Variants in SORCS2 observed in about 807,000 individuals in gnomAD.
SORCS2 encodes sortilin related VPS10 domain containing receptor 2, also known as VPS10 domain-containing receptor SorCS2.
Under a neutral mutation model 141.6 loss-of-function variants are expected in SORCS2, and 100 were observed. The observed-to-expected ratio is 0.71, with a 90% CI of 0.60 to 0.83. The LOEUF (loss-of-function observed/expected upper bound fraction) is 0.83. Ranked by LOEUF, SORCS2 falls within the 40% of genes least tolerant of loss-of-function variation. The probability of loss-of-function intolerance (pLI) is 0.00; values close to 1 mark genes in which losing one functional copy is unlikely to be tolerated. For synonymous variants in SORCS2, 789 were observed against 676.9 expected (o/e 1.17, Z -2.57); for missense variants, 1,646 against 1,560.2 (o/e 1.05, Z -0.93).
intron 2 of SORCS2, among the ~76,000 whole-genome samples, chr4:7,440,800 C>T (rs1052136261): frequency 2.0e-5 from 3 of 152,172 alleles, no homozygotes; most frequent in Non-Finnish European, 4.4e-5. Context: ...CATGGGGCCT[C>T]GAGGGTGGGC....
chr4:7,323,511 G>A (rs1214868851), intron 1 of SORCS2, among the ~76,000 whole-genome samples: 2 of 152,124 alleles, frequency 1.3e-5, no homozygotes, highest in Non-Finnish European at 1.5e-5. Context: ...TGGCTCTGAG[G>A]GGGGTCAGAG....
At chr4:7,652,157 C>T (rs568339612) in intron 4 of SORCS2, among the ~76,000 whole-genome samples, 14 of 152,278 alleles carry the variant, frequency 9.2e-5, no homozygotes, top group South Asian at 2.1e-4. Flanking sequence ...CCACCCGACA[C>T]GCTGCTGTGC....
At chr4:7,234,240 G>T (rs1240693515) in intron 1 of SORCS2, among the ~76,000 whole-genome samples, 1 of 152,238 alleles carries the variant, frequency 6.6e-6, no homozygotes, top group African/African-American at 2.4e-5. Flanking sequence ...GCTGCCTGGG[G>T]CCGAGAATAG....
intron 2 of SORCS2, among the ~76,000 whole-genome samples, chr4:7,418,049 C>T (rs1327816022): frequency 6.6e-6 from 1 of 152,166 alleles, no homozygotes; most frequent in Non-Finnish European, 1.5e-5. Flanking sequence ...GTGTCAGGTG[C>T]CATCAGCTGG....
chr4:7,734,262 T>G lies in SORCS2; in HGVS notation c.3209-10T>G, dbSNP rs1711966493. The stretch of plus-strand genomic sequence containing the variant: ...CCGAGGTCCTCCACTGACAACCGCT[T>G]TGCTTGCAGGTGCTGAGCAGCTGGG... On this transcript the variant is annotated splice_polypyrimidine_tract_variant and intron_variant, in intron 24 of 26. Coordinates refer to ENST00000507866, the MANE Select transcript of SORCS2 (RefSeq NM_020777.3). 1 of 1,587,380 alleles carries G rather than the reference T, an allele frequency of 6.3e-7. No individual in the cohort carries two copies. Among genetic ancestry groups the G allele is most frequent in the South Asian group, 1.2e-5 (1 of 86,588 alleles).
At chr4:7,416,874 A>C (rs551874637) in intron 2 of SORCS2, among the ~76,000 whole-genome samples, 1 of 152,158 alleles carries the variant, frequency 6.6e-6, no homozygotes, top group Admixed American at 6.5e-5. Context: ...GTGCATGCTC[A>C]GACACACACA....
In SORCS2 at chr4:7,648,318, G is replaced by A. The variant is rs998015041; in HGVS notation, c.814-5816G>A. Among the ~76,000 whole-genome samples the A allele has an allele frequency of 6.6e-6, 1 of 152,110 alleles. No homozygotes were observed. The highest frequency in any genetic ancestry group is 1.5e-5 in the Non-Finnish European group (1 of 68,000). On this transcript the variant is annotated intron_variant, in intron 4 of 26. Transcript: ENST00000507866. The surrounding 1 kb of genome is among the most constrained non-coding windows in gnomAD (Gnocchi z 4.2). ...CAGGGAGGAAGTGACCGTGGAGAGG[G>A]TGTCAAGGAGTCAGGGGTCATCAGG...
chr4:7,714,352 G>C lies in SORCS2; in HGVS notation c.2102G>C (p.Cys701Ser), dbSNP rs1213416637. 1 of 1,557,150 alleles carries C rather than the reference G, an allele frequency of 6.4e-7. No homozygotes were observed. Among genetic ancestry groups the C allele is most frequent in the Admixed American group, 1.9e-5 (1 of 51,716 alleles). ...GCGCTCACGTCCCGCGTGTGCGAGT[G>C]CCGGGACTCGGACTTCCTGTGGTGA... is the stretch of plus-strand genomic sequence containing the variant. ...TSALTSRVCE[C>S]RDSDFLCDYG... is the part of the protein sequence containing the mutation. The change falls in exon 16 of 27, where the codon TGC becomes TCC. Residue 701 changes from cysteine to serine, a missense_variant. Physicochemically the swap from Cys to Ser is moderately radical, Grantham distance 112. Transcript: ENST00000507866.
At chr4:7,450,360 C>T (rs1418588706) in intron 2 of SORCS2, among the ~76,000 whole-genome samples, 1 of 152,210 alleles carries the variant, frequency 6.6e-6, no homozygotes, top group Non-Finnish European at 1.5e-5. Context: ...GCTGCAGCCC[C>T]TACACCTGCT....
intron 1 of SORCS2, among the ~76,000 whole-genome samples, chr4:7,331,587 G>A (rs536196485): frequency 5.9e-5 from 9 of 152,280 alleles, no homozygotes; most frequent in Middle Eastern, 6.8e-3. Flanking sequence ...TGGGGTGTGG[G>A]AGGGAAGGGC....
chr4:7,662,995 CGAGT>C (rs776479902), intron 6 of SORCS2, among the ~76,000 whole-genome samples: 2 of 145,938 alleles, frequency 1.4e-5, no homozygotes, highest in South Asian at 2.2e-4. Context: ...AGTGAGTGAG[CGAGT>C]GAGTGGATGA....
At position 7,249,520 on chromosome 4, in the gene SORCS2, C is replaced by T. The variant is rs115905961; in HGVS notation, c.480+56394C>T. Among the ~76,000 whole-genome samples the T allele has an allele frequency of 8.0e-3, 1,225 of 152,292 alleles. 19 individuals carry two copies. Among genetic ancestry groups the T allele is most frequent in the African/African-American group, 0.028 (1,170 of 41,568 alleles). ...ATTCACCTTTTGATGAGAGGAGTAT[C>T]AGAGAATTTGTGGCCATCCTTACTG... On this transcript the variant is annotated intron_variant, in intron 1 of 26. Coordinates refer to ENST00000507866, the MANE Select transcript of SORCS2 (RefSeq NM_020777.3).
At chr4:7,504,141 C>A (rs575204735) in intron 2 of SORCS2, among the ~76,000 whole-genome samples, 2 of 152,230 alleles carry the variant, frequency 1.3e-5, no homozygotes. Context: ...CTCACAGCTG[C>A]GCTCTCAGAA....
At chr4:7,212,227 C>T (rs114712793) in intron 1 of SORCS2, among the ~76,000 whole-genome samples, 3,583 of 152,298 alleles carry the variant, frequency 0.024, 64 homozygotes, top group South Asian at 0.041. Context: ...GTAGCCCACA[C>T]GGCACAGGTC....
At chr4:7,403,477 G>A (rs1422859064) in intron 2 of SORCS2, among the ~76,000 whole-genome samples, 2 of 152,142 alleles carry the variant, frequency 1.3e-5, no homozygotes, top group African/African-American at 4.8e-5. Flanking sequence ...GGCAGGGGGA[G>A]TACAGTTTGA....
chr4:7,425,673 C>CA (rs1208048061), intron 2 of SORCS2, among the ~76,000 whole-genome samples: 5 of 152,324 alleles, frequency 3.3e-5, no homozygotes, highest in Admixed American at 1.3e-4. Context: ...TCAAGGCCTG[C>CA]AGAGGGCCCA....
At chr4:7,487,149 G>A (rs549959221) in intron 2 of SORCS2, among the ~76,000 whole-genome samples, 8 of 152,324 alleles carry the variant, frequency 5.3e-5, no homozygotes, top group African/African-American at 1.4e-4. Context: ...CTCCATGTGC[G>A]TGCTCAGGGG....
At chr4:7,422,880 G>A (rs1454515049) in intron 2 of SORCS2, among the ~76,000 whole-genome samples, 2 of 152,296 alleles carry the variant, frequency 1.3e-5, no homozygotes, top group Middle Eastern at 3.4e-3. Flanking sequence ...AGCACACCCG[G>A]AGGTCCATGC....
At chr4:7,623,249 C>G (rs939659284) in intron 3 of SORCS2, among the ~76,000 whole-genome samples, 3 of 152,190 alleles carry the variant, frequency 2.0e-5, no homozygotes, top group African/African-American at 7.2e-5. Flanking sequence ...TCGGGAGACA[C>G]CAATATTCCT....
Sources: gnomAD v4.1 joint callset for allele counts (sites outside exome capture counted in the v4.1 genomes callset) on GRCh38, gnomAD v4.1.1 for gene constraint, Gnocchi (gnomAD v3.1) non-coding constraint, MANE v1.5 for transcripts, NCBI Gene and HGNC (gene_info 2026-07-23, HGNC 2026-07-21) for gene names.